The following WFS1 variants were observed in gnomAD, a reference collection of about 807,000 sequenced individuals.
WFS1 encodes the protein wolframin ER transmembrane glycoprotein.
Under a neutral mutation model 68.5 loss-of-function variants are expected in WFS1, and 90 were observed. The observed-to-expected ratio is 1.31, with a 90% CI of 1.11 to 1.56. The LOEUF is 1.56. WFS1 is among the 40% of genes most tolerant of loss of function. WFS1 has a pLI of 0.00. For missense variants in WFS1, 1,767 were observed against 1,232.6 expected (o/e 1.43, Z -6.49); for synonymous variants, 860 against 540.7 (o/e 1.59, Z -8.19).
At chr4:6,300,537 G>A (rs952677048) in intron 7 of WFS1, 120 bp from the exon 8 acceptor site, 45 of 1,472,516 alleles carry the variant, frequency 3.1e-5, no homozygotes, top group East Asian at 4.9e-5. Context: ...GGCTGGTGAT[G>A]GGAAAACGCA....
intron 2 of WFS1, among the ~76,000 whole-genome samples, chr4:6,282,830 A>C (rs1389035747): frequency 6.6e-6 from 1 of 152,192 alleles, no homozygotes; most frequent in Non-Finnish European, 1.5e-5. Flanking sequence ...TTGGCAGTTC[A>C]GCTGCTCAGC....
chr4:6,296,095 A>G (rs1217518275), intron 7 of WFS1, among the ~76,000 whole-genome samples: 1 of 152,200 alleles, frequency 6.6e-6, no homozygotes, highest in Non-Finnish European at 1.5e-5. Context: ...TTGTATTCAG[A>G]TGGGCGCGTG....
chr4:6,290,920 G>C (rs918334670), intron 4 of WFS1, among the ~76,000 whole-genome samples: 9 of 152,348 alleles, frequency 5.9e-5, no homozygotes, highest in African/African-American at 1.7e-4. Context: ...ACCTCTGAGA[G>C]AGGGGAGGAA....
rs1730952727 is a variant in WFS1, at chr4:6,302,040, A to C, written c.2245A>C (p.Thr749Pro). ...TGCCTGCAGCCCTGGCAACACCTCC[A>C]CGGCCGAGGAGGAGCTCTGTCGCCT... ...YPACSPGNTS[T>P]AEEELCRLKL... Residue 749 changes from threonine to proline, a missense_variant, in exon 8 of 8, where the codon ACG (threonine) becomes CCG (proline). Thr to Pro is a conservative substitution (Grantham distance 38). Coordinates refer to ENST00000226760, the MANE Select transcript of WFS1 (RefSeq NM_006005.3). The C allele has an allele frequency of 1.2e-6, 2 of 1,612,782 alleles. No homozygotes were observed. The highest frequency in any genetic ancestry group is 1.7e-6 in the Non-Finnish European group (2 of 1,179,942).
Position 6,301,121 on chromosome 4 carries a change from C to T in WFS1, c.1326C>T (p.Thr442=), listed in dbSNP as rs554672282. The stretch of plus-strand genomic sequence containing the variant: ...TCATCACCGGCTTCTTTACCGTGAC[C>T]AGCTACCTGAGCCTGAGCACCCATG... ...LAVITGFFTV[T]SYLSLSTHAE... The change falls in exon 8 of 8, where the codon ACC becomes ACT. Residue 442 remains threonine (T), a synonymous_variant. Transcript: ENST00000226760. The T allele has an allele frequency of 1.1e-5, 18 of 1,613,536 alleles. No homozygotes were observed. The highest frequency in any genetic ancestry group is 9.3e-5 in the African/African-American group (7 of 74,918).
intron 2 of WFS1, among the ~76,000 whole-genome samples, chr4:6,284,389 A>T (rs973356495): frequency 6.6e-6 from 1 of 152,154 alleles, no homozygotes; most frequent in Admixed American, 6.5e-5. Context: ...ATAATAATAA[A>T]AAAGAGAGAG....
In WFS1 at chr4:6,302,406, G is replaced by C. The variant is rs71532874; in HGVS notation, c.2611G>C (p.Val871Leu). 3 of 1,613,008 alleles carry C rather than the reference G, an allele frequency of 1.9e-6. No homozygotes were observed. Among genetic ancestry groups the C allele is most frequent in the Non-Finnish European group, 2.5e-6 (3 of 1,180,016 alleles). Reference sequence around the variant, plus strand: ...GATCGAGCACGACTGGCGCAGCACCGTGCATGGCGCCGTGAAGTTCGCCTT... The same window carrying C: ...GATCGAGCACGACTGGCGCAGCACCCTGCATGGCGCCGTGAAGTTCGCCTT... ...VKIEHDWRST[V>L]HGAVKFAFDF... The change falls in exon 8 of 8, where the codon GTG (valine) becomes CTG (leucine). Residue 871 changes from valine to leucine, a missense_variant. Transcript: ENST00000226760.
chr4:6,301,142 C>G lies in WFS1; in HGVS notation c.1347C>G (p.Thr449=). 6 of 1,613,276 alleles carry G rather than the reference C, an allele frequency of 3.7e-6. No homozygotes were observed. The highest frequency in any genetic ancestry group is 5.1e-6 in the Non-Finnish European group (6 of 1,180,008). ...FTVTSYLSLS[T]HAEPYTRRAL... Reference sequence around the variant, plus strand: ...TGACCAGCTACCTGAGCCTGAGCACCCATGCAGAGCCCTACACGCGCAGGG... The same window carrying G: ...TGACCAGCTACCTGAGCCTGAGCACGCATGCAGAGCCCTACACGCGCAGGG... Residue 449 remains threonine, a synonymous_variant, in exon 8 of 8, where the codon ACC becomes ACG. Transcript: ENST00000226760.
chr4:6,273,856 C>G (rs964881867), intron 1 of WFS1, among the ~76,000 whole-genome samples: 3 of 152,236 alleles, frequency 2.0e-5, no homozygotes, highest in African/African-American at 7.2e-5. Flanking sequence ...ATTAATCCTC[C>G]TGTATTCATC....
intron 6 of WFS1, 49 bp from the exon 7 acceptor site, chr4:6,294,992 A>C: frequency 6.2e-7 from 1 of 1,612,404 alleles, no homozygotes; most frequent in African/African-American, 1.3e-5. Flanking sequence ...TGAGGGTGGC[A>C]GTGGGGCTGC....
intron 4 of WFS1, 77 bp from the exon 5 acceptor site, chr4:6,291,120 C>T (rs1560409954): frequency 6.5e-7 from 1 of 1,532,906 alleles, no homozygotes; most frequent in Non-Finnish European, 9.0e-7. Context: ...GCCTTCCAGG[C>T]AGAGTTGGCA....
Position 6,301,456 on chromosome 4 carries a change from T to G in WFS1, c.1661T>G (p.Leu554Arg). Residue 554 changes from leucine (L) to arginine (R), a missense_variant, in exon 8 of 8, where the codon CTG becomes CGG. Coordinates refer to ENST00000226760, the MANE Select transcript of WFS1 (RefSeq NM_006005.3). ...SVVILLESTG[L>R]GLLRASIGYF... Reference sequence around the variant, plus strand: ...GTCATCCTGCTGGAGTCCACCGGCCTGGGGCTGCTCCGCGCCTCCATCGGC... The same window carrying G: ...GTCATCCTGCTGGAGTCCACCGGCCGGGGGCTGCTCCGCGCCTCCATCGGC... 1.2e-6 allele frequency: 2 copies of G among 1,612,688 alleles called. No homozygotes were observed. Among genetic ancestry groups the G allele is most frequent in the Non-Finnish European group, 1.7e-6 (2 of 1,180,034 alleles).
In WFS1 at chr4:6,283,999, T is replaced by TG. The variant is rs1730237503; in HGVS notation, c.233-3093dup. 6.6e-6 allele frequency among the ~76,000 whole-genome samples: 1 copy of TG among 152,014 alleles called. No individual in the cohort carries two copies. The highest frequency in any genetic ancestry group is 1.5e-5 in the Non-Finnish European group (1 of 67,996). On this transcript the variant is annotated intron_variant, in intron 2 of 7. Transcript: ENST00000226760. The surrounding 1 kb of genome is among the most constrained non-coding windows in gnomAD (Gnocchi z 5.0). ...CCACGAAGGCTCCTACTTCATGGAC[T>TG]GAGCTAACTGGTCTGCAGGACGAGC...
At chr4:6,299,925 TTTGTGTGAATGC>T (rs1730809923) in intron 7 of WFS1, among the ~76,000 whole-genome samples, 2 of 98,258 alleles carry the variant, frequency 2.0e-5, no homozygotes, top group African/African-American at 7.8e-5. Context: ...ATGGGGTGGG[TTTGTGTGAATGC>T]GTGTGTGTAG....
rs570594499 is a variant in WFS1 at position 6,283,344 on chromosome 4, C to T, written c.233-3749C>T. ...TCAAAGAATGAGTTAGATTCAGGAC[C>T]CTTTTAGTTGTAAGTGACAAAATCT... On this transcript the variant is annotated intron_variant, in intron 2 of 7. Coordinates refer to ENST00000226760, the MANE Select transcript of WFS1 (RefSeq NM_006005.3). This position sits in a 1 kb window ranked among gnomAD's most constrained non-coding sequence, Gnocchi z 5.0. Among the ~76,000 whole-genome samples, 1 of 152,210 alleles carries T rather than the reference C, an allele frequency of 6.6e-6. No individual in the cohort carries two copies. Among genetic ancestry groups the T allele is most frequent in the East Asian group, 1.9e-4 (1 of 5,182 alleles).
rs373141415 is a variant in WFS1, at chr4:6,300,758, G to C, written c.963G>C (p.Thr321=). 22 of 1,613,834 alleles carry C rather than the reference G, an allele frequency of 1.4e-5. No individual in the cohort carries two copies. Among genetic ancestry groups the C allele is most frequent in the Non-Finnish European group, 1.9e-5 (22 of 1,179,980 alleles). The change falls in exon 8 of 8, where the codon ACG becomes ACC. Residue 321 remains threonine, a synonymous_variant. Coordinates refer to ENST00000226760, the MANE Select transcript of WFS1 (RefSeq NM_006005.3). ...GMHWLSTIIP[T]HHINALIFFF... is the part of the protein sequence containing the mutation. ...ACTGGCTGTCCACCATCATCCCCACGCACCACATCAACGCGCTCATCTTCT... is the reference window on the plus strand; with the variant it reads ...ACTGGCTGTCCACCATCATCCCCACCCACCACATCAACGCGCTCATCTTCT...
chr4:6,299,475 T>G (rs1730764462), intron 7 of WFS1, among the ~76,000 whole-genome samples: 1 of 122,216 alleles, frequency 8.2e-6, no homozygotes, highest in South Asian at 2.6e-4. Context: ...GGTGCACGTG[T>G]GGGGGTGGGT....
At chr4:6,297,884 A>AGGG (rs971715842) in intron 7 of WFS1, among the ~76,000 whole-genome samples, 11 of 152,166 alleles carry the variant, frequency 7.2e-5, no homozygotes, top group Non-Finnish European at 1.5e-4. Flanking sequence ...GGCTTTAAAA[A>AGGG]GGGGATCGTT....
chr4:6,302,692 C>T lies in WFS1; in HGVS notation c.*224C>T. ...ACCAAGTGTGTTGGGAATTGCATGC[C>T]ATCTCCACCCTGAGCCTGACCTTTC... On this transcript the variant is annotated 3_prime_UTR_variant, in exon 8 of 8. Transcript: ENST00000226760. 1 of 654,692 alleles carries T rather than the reference C, an allele frequency of 1.5e-6. No individual in the cohort carries two copies. The highest frequency in any genetic ancestry group is 2.6e-6 in the Non-Finnish European group (1 of 386,966). The allele number at this position is 654,692 out of a possible 1,614,324, so 40.6% of individuals were successfully genotyped here.
Sources: gnomAD v4.1 joint callset for allele counts (sites outside exome capture counted in the v4.1 genomes callset) on GRCh38, gnomAD v4.1.1 for gene constraint, Gnocchi (gnomAD v3.1) non-coding constraint, MANE v1.5 for transcripts, NCBI Gene and HGNC (gene_info 2026-07-23, HGNC 2026-07-21) for gene names.